Variants in RBFOX1 observed in about 807,000 individuals in gnomAD.
RBFOX1 encodes the protein RNA binding fox-1 homolog 1.
A neutral mutation model predicts 57.7 loss-of-function variants in RBFOX1; 8 were observed. The observed-to-expected ratio is 0.14, with a 90% CI of 0.08 to 0.25. The LOEUF (loss-of-function observed/expected upper bound fraction) is 0.25, where lower values mean the gene tolerates loss of function less well. Ranked by LOEUF, RBFOX1 falls within the 10% of genes least tolerant of loss-of-function variation. RBFOX1 has a pLI of 1.00. For missense variants in RBFOX1, 611 were observed against 548.5 expected (o/e 1.11, Z -1.14); for synonymous variants, 326 against 222.4 (o/e 1.47, Z -4.15).
intron 4 of RBFOX1, among the ~76,000 whole-genome samples, chr16:7,452,004 C>A (rs1021191402): frequency 1.3e-5 from 2 of 152,050 alleles, no homozygotes; most frequent in Admixed American, 1.3e-4. Flanking sequence ...CTAGTACGAC[C>A]AAAGAGAAAG....
intron 4 of RBFOX1, among the ~76,000 whole-genome samples, chr16:7,411,334 G>C (rs1037771416): frequency 2.0e-5 from 3 of 152,182 alleles, no homozygotes; most frequent in African/African-American, 4.8e-5. Flanking sequence ...CCTCAGTTTA[G>C]CCACAATTCC....
At chr16:5,296,844 A>C (rs1019283572) in intron 1 of RBFOX1, among the ~76,000 whole-genome samples, 1 of 151,776 alleles carries the variant, frequency 6.6e-6, no homozygotes, top group African/African-American at 2.4e-5. Context: ...ACGCCCAGCT[A>C]ATTTTTGTAT....
intron 3 of RBFOX1, among the ~76,000 whole-genome samples, chr16:5,605,931 C>T (rs879804882): frequency 2.0e-5 from 3 of 152,122 alleles, no homozygotes; most frequent in Non-Finnish European, 2.9e-5. Flanking sequence ...ATCATGGAAC[C>T]CATAAGCTGG....
At chr16:6,467,357 G>A (rs2095073199) in intron 2 of RBFOX1, among the ~76,000 whole-genome samples, 1 of 151,878 alleles carries the variant, frequency 6.6e-6, no homozygotes, top group Non-Finnish European at 1.5e-5. Flanking sequence ...CAGGACCTTA[G>A]TTTACATTAA....
At chr16:5,913,264 C>T (rs1045917590) in intron 4 of RBFOX1, among the ~76,000 whole-genome samples, 32 of 152,202 alleles carry the variant, frequency 2.1e-4, no homozygotes, top group African/African-American at 7.7e-4. Context: ...TCTCCCCACC[C>T]CTACCATGTA....
At chr16:6,235,900 G>C (rs997526254) in intron 1 of RBFOX1, among the ~76,000 whole-genome samples, 2 of 152,020 alleles carry the variant, frequency 1.3e-5, no homozygotes, top group Non-Finnish European at 2.9e-5. Context: ...TACAAATTGG[G>C]TGCAGTGTAT....
intron 4 of RBFOX1, among the ~76,000 whole-genome samples, chr16:7,160,056 C>T (rs947523417): frequency 3.3e-5 from 5 of 152,122 alleles, no homozygotes; most frequent in African/African-American, 1.2e-4. Context: ...GTGCCTGTTG[C>T]TGTAAATATT....
At chr16:7,204,802 A>C (rs1051231326) in intron 4 of RBFOX1, among the ~76,000 whole-genome samples, 4 of 151,972 alleles carry the variant, frequency 2.6e-5, no homozygotes, top group Admixed American at 6.6e-5. Context: ...CCTTAATGCA[A>C]ACTGATTGGT....
intron 4 of RBFOX1, among the ~76,000 whole-genome samples, chr16:5,976,894 A>T (rs2060074559): frequency 6.6e-6 from 1 of 152,212 alleles, no homozygotes; most frequent in African/African-American, 2.4e-5. Flanking sequence ...GGTCTTGCTA[A>T]AGATGATAAA....
intron 3 of RBFOX1, among the ~76,000 whole-genome samples, chr16:6,841,406 T>C (rs972526701): frequency 2.0e-5 from 3 of 152,194 alleles, no homozygotes; most frequent in African/African-American, 7.2e-5. Flanking sequence ...AGAGTGTTAA[T>C]TGACATCCTG....
chr16:5,251,583 A>G (rs1170792445), intron 1 of RBFOX1, among the ~76,000 whole-genome samples: 3 of 152,182 alleles, frequency 2.0e-5, no homozygotes, highest in African/African-American at 4.8e-5. Context: ...CAGACATAAC[A>G]TACTATCTAA....
At chr16:5,689,815 AAG>A (rs1555501965) in intron 3 of RBFOX1, among the ~76,000 whole-genome samples, 26 of 151,742 alleles carry the variant, frequency 1.7e-4, no homozygotes, top group Non-Finnish European at 3.2e-4. Flanking sequence ...CAAAAAAAAA[AAG>A]AAGGAACACA....
chr16:5,722,018 G>T (rs916007561), intron 3 of RBFOX1, among the ~76,000 whole-genome samples: 1 of 152,144 alleles, frequency 6.6e-6, no homozygotes, highest in Non-Finnish European at 1.5e-5. Flanking sequence ...GCCTGGGTTG[G>T]GCTCTAAGGA....
At chr16:6,143,447 G>T (rs2096733962) in intron 1 of RBFOX1, among the ~76,000 whole-genome samples, 1 of 152,166 alleles carries the variant, frequency 6.6e-6, no homozygotes, top group Non-Finnish European at 1.5e-5. Context: ...TTCAGGAGGT[G>T]ATCCCAATGC....
intron 3 of RBFOX1, among the ~76,000 whole-genome samples, chr16:6,926,490 A>G (rs894513775): frequency 6.6e-6 from 1 of 152,068 alleles, no homozygotes; most frequent in Non-Finnish European, 1.5e-5. Context: ...TGATTAAGTT[A>G]ATGACATTTG....
chr16:5,489,590 C>A (rs2042757933), intron 2 of RBFOX1, among the ~76,000 whole-genome samples: 1 of 152,138 alleles, frequency 6.6e-6, no homozygotes, highest in South Asian at 2.1e-4. Flanking sequence ...TGCTACCATG[C>A]CATGGAGTAA....
chr16:5,304,828 A>T (rs1390802123), intron 1 of RBFOX1, among the ~76,000 whole-genome samples: 1 of 96,844 alleles, frequency 1.0e-5, no homozygotes, highest in Non-Finnish European at 2.5e-5. Flanking sequence ...TAGCCATATA[A>T]AGTGATTTTT....
At position 5,478,800 on chromosome 16, in the gene RBFOX1, G is replaced by C. The variant is rs527896113; in HGVS notation, c.258+11546G>C. 7.6e-4 allele frequency among the ~76,000 whole-genome samples: 116 copies of C among 152,224 alleles called. 1 individual carries two copies. Among genetic ancestry groups the C allele is most frequent in the African/African-American group, 2.4e-3 (99 of 41,546 alleles). On this transcript the variant is annotated intron_variant, in intron 2 of 2. Transcript: ENST00000585867. ...CCATAGTATGTTACAGGAGGAGGCA[G>C]GAGAGAAGAGGGCATTTATAGGCCC...
At chr16:6,668,820 A>C (rs200682829) in intron 3 of RBFOX1, among the ~76,000 whole-genome samples, 2 of 152,138 alleles carry the variant, frequency 1.3e-5, no homozygotes, top group Non-Finnish European at 2.9e-5. Context: ...AAGCAAGTCT[A>C]TTTTGTGTAA....
Sources: allele counts gnomAD v4.1 joint callset (sites outside exome capture counted in the v4.1 genomes callset), GRCh38; gene constraint gnomAD v4.1.1; transcripts MANE v1.5; gene names NCBI Gene and HGNC (gene_info 2026-07-23, HGNC 2026-07-21).